Variants in KDM5A observed in about 807,000 individuals in gnomAD.
KDM5A encodes the protein lysine-specific demethylase 5A.
A neutral mutation model predicts 193.5 loss-of-function variants in KDM5A; 42 were observed. That is an observed-to-expected ratio of 0.22 (90% CI 0.17 to 0.28). The LOEUF is 0.28. KDM5A is among the 10% of genes least tolerant of loss of function. KDM5A has a pLI of 1.00. For synonymous variants in KDM5A, 796 were observed against 718.1 expected (o/e 1.11, Z -1.73); for missense variants, 1,692 against 2,055.1 (o/e 0.82, Z 3.42).
chr12:387,154 G>A (rs1050967742), intron 1 of KDM5A: 4 of 261,522 alleles, frequency 1.5e-5, no homozygotes, highest in Admixed American at 5.6e-5. Context: ...TTCAAGTGGG[G>A]TCTAAATAAC....
In KDM5A at chr12:350,737, C is replaced by G; in HGVS notation, c.1192G>C (p.Val398Leu). ...ELVEKEFWRL[V>L]SSIEEDVIVE... ...ATAACATCTTCTTCAATGCTGCTTA[C>G]CAGCCGCCAAAATTCCTTTTCTACT... Residue 398 changes from valine to leucine, a missense_variant, in exon 10 of 28, where the codon GTA (valine) becomes CTA (leucine). Transcript: ENST00000399788. 6.2e-7 allele frequency: 1 copy of G among 1,614,052 alleles called. No homozygotes were observed. The highest frequency in any genetic ancestry group is 8.5e-7 in the Non-Finnish European group (1 of 1,179,948).
chr12:297,338 A>AC, intron 24 of KDM5A, 138 bp from the exon 25 acceptor site: 2 of 779,500 alleles, frequency 2.6e-6, no homozygotes, highest in Non-Finnish European at 4.2e-6. Context: ...TCTGATGTTA[A>AC]ATAAGATAGA....
intron 7 of KDM5A, 79 bp downstream of exon 7, chr12:355,079 C>T: frequency 1.2e-6 from 1 of 858,648 alleles, no homozygotes; most frequent in South Asian, 1.3e-5. Flanking sequence ...AAACACATAC[C>T]ATGATATATC....
In KDM5A at chr12:363,084, G is replaced by C. The variant is rs1316241491; in HGVS notation, c.551C>G (p.Pro184Arg). The C allele has an allele frequency of 6.2e-7, 1 of 1,613,912 alleles. No homozygotes were observed. The highest frequency in any genetic ancestry group is 8.5e-7 in the Non-Finnish European group (1 of 1,179,920). ...CACTTTTTCTTTAAGATCTAAATTA[G>C]GCATCTGCACACCCTAAAAGATCAG... The part of the protein sequence containing the change: ...SGVSLMGVQM[P>R]NLDLKEKVEP... Residue 184 changes from proline to arginine, a missense_variant, in exon 5 of 28, where the codon CCT becomes CGT. By Grantham distance (103) the Pro-to-Arg change is moderately radical. Coordinates refer to ENST00000399788, the MANE Select transcript of KDM5A (RefSeq NM_001042603.3).
intron 26 of KDM5A, 63 bp downstream of exon 26, chr12:295,510 A>G: frequency 6.9e-7 from 1 of 1,457,012 alleles, no homozygotes; most frequent in Non-Finnish European, 9.6e-7. Flanking sequence ...CATTTATGAT[A>G]CCTCTAAGGA....
intron 3 of KDM5A, among the ~76,000 whole-genome samples, chr12:370,163 CAG>C (rs1432423373): frequency 6.6e-6 from 1 of 152,196 alleles, no homozygotes; most frequent in East Asian, 1.9e-4. Flanking sequence ...GAGGCCGAGG[CAG>C]GTGGATCACC....
chr12:348,733 G>A (rs552712272), intron 10 of KDM5A, among the ~76,000 whole-genome samples: 50 of 152,070 alleles, frequency 3.3e-4, no homozygotes, highest in Admixed American at 7.9e-4. Flanking sequence ...AACACAGGGC[G>A]GGGAACATCA....
intron 9 of KDM5A, among the ~76,000 whole-genome samples, chr12:351,374 G>C (rs765477594): frequency 1.3e-5 from 2 of 152,032 alleles, no homozygotes; most frequent in Non-Finnish European, 2.9e-5. Context: ...CCATGTCCCT[G>C]CAAAGGACAT....
At chr12:342,546 G>A (rs555111833) in intron 10 of KDM5A, among the ~76,000 whole-genome samples, 5 of 151,688 alleles carry the variant, frequency 3.3e-5, no homozygotes, top group African/African-American at 4.8e-5. Flanking sequence ...TGCAACCTCC[G>A]CCTCCCACGT....
At chr12:322,345 C>T (rs1943727969) in intron 17 of KDM5A, 72 bp downstream of exon 17, 15 of 1,418,286 alleles carry the variant, frequency 1.1e-5, no homozygotes, top group South Asian at 9.3e-5. Flanking sequence ...CTTCACAGGC[C>T]GGATAAAATT....
At chr12:357,617 CAGG>C (rs1417419798) in intron 5 of KDM5A, among the ~76,000 whole-genome samples, 1 of 151,696 alleles carries the variant, frequency 6.6e-6, no homozygotes, top group African/African-American at 2.4e-5. Flanking sequence ...ATCACAAGGT[CAGG>C]AGTTCTAAAC....
At chr12:287,185 T>C (rs145918119) in intron 27 of KDM5A, among the ~76,000 whole-genome samples, 125 of 152,334 alleles carry the variant, frequency 8.2e-4, no homozygotes, top group East Asian at 4.6e-3. Context: ...TCAAAGTGTG[T>C]AGACCACTGG....
chr12:342,830 C>G (rs1388076995), intron 10 of KDM5A, among the ~76,000 whole-genome samples: 2 of 148,208 alleles, frequency 1.3e-5, no homozygotes, highest in African/African-American at 5.0e-5. Context: ...CAAATAGGAA[C>G]AGCTCCGGCC....
chr12:371,128 C>T (rs138590188), intron 3 of KDM5A, among the ~76,000 whole-genome samples: 1,638 of 152,052 alleles, frequency 0.011, 14 homozygotes, highest in Middle Eastern at 0.027. Flanking sequence ...TGGGTATATA[C>T]CCAGTAATGG....
chr12:368,708 G>A (rs1944388053), intron 3 of KDM5A, among the ~76,000 whole-genome samples: 1 of 152,116 alleles, frequency 6.6e-6, no homozygotes, highest in South Asian at 2.1e-4. Flanking sequence ...TCCAGCCTGG[G>A]CAAGAGCGAG....
intron 4 of KDM5A, among the ~76,000 whole-genome samples, chr12:364,199 C>T (rs776801603): frequency 3.3e-5 from 5 of 152,164 alleles, no homozygotes; most frequent in African/African-American, 4.8e-5. Flanking sequence ...AGGCCGGGTG[C>T]GGTGGCTCAC....
At chr12:314,352 C>T (rs768229871) in intron 19 of KDM5A, among the ~76,000 whole-genome samples, 1 of 152,016 alleles carries the variant, frequency 6.6e-6, no homozygotes, top group Admixed American at 6.6e-5. Context: ...TGCGCCACCA[C>T]GCCCGGCTAA....
intron 10 of KDM5A, among the ~76,000 whole-genome samples, chr12:343,449 G>C (rs1944032352): frequency 6.6e-6 from 1 of 152,220 alleles, no homozygotes; most frequent in African/African-American, 2.4e-5. Context: ...TGGACAGACT[G>C]CCTCCTCGAG....
At chr12:348,839 A>G (rs1214859065) in intron 10 of KDM5A, among the ~76,000 whole-genome samples, 1 of 151,922 alleles carries the variant, frequency 6.6e-6, no homozygotes, top group African/African-American at 2.4e-5. Flanking sequence ...GCAAATCAAC[A>G]TGGCACATGT....
Sources: allele counts gnomAD v4.1 joint callset (sites outside exome capture counted in the v4.1 genomes callset), GRCh38; gene constraint gnomAD v4.1.1; transcripts MANE v1.5; gene names NCBI Gene and HGNC (gene_info 2026-07-23, HGNC 2026-07-21).